Variants in RBMS3 observed in about 807,000 individuals in gnomAD.
RBMS3 encodes the protein RNA-binding motif, single-stranded-interacting protein 3.
In RBMS3, 27 loss-of-function variants were observed where a neutral mutation model predicts 66.8. That is an observed-to-expected ratio of 0.40 (90% confidence interval 0.30 to 0.56). The LOEUF (loss-of-function observed/expected upper bound fraction) is 0.56, where lower values mean the gene tolerates loss of function less well. RBMS3 is among the 20% of genes least tolerant of loss of function. The pLI is 0.40. For missense variants in RBMS3, 513 were observed against 549.5 expected, an observed-to-expected ratio of 0.93 and a Z score of 0.66; for synonymous variants, 188 against 183.0, an observed-to-expected ratio of 1.03 and a Z score of -0.22.
At chr3:29,439,439 T>G (rs1163407986) in intron 2 of RBMS3, among the ~76,000 whole-genome samples, 2 of 152,088 alleles carry the variant, frequency 1.3e-5, no homozygotes, top group Non-Finnish European at 2.9e-5. Flanking sequence ...TTAGTGGTGG[T>G]AGAAAAATTA....
At chr3:29,445,293 A>G (rs1014970262) in intron 2 of RBMS3, among the ~76,000 whole-genome samples, 1 of 152,052 alleles carries the variant, frequency 6.6e-6, no homozygotes, top group African/African-American at 2.4e-5. Flanking sequence ...CTGAATATGA[A>G]GCTCTTTTAT....
intron 10 of RBMS3, among the ~76,000 whole-genome samples, chr3:29,905,782 T>C (rs1037605252): frequency 6.6e-6 from 1 of 152,122 alleles, no homozygotes; most frequent in African/African-American, 2.4e-5. Context: ...TCTTATAATA[T>C]TTTAAGAAAG....
At chr3:29,676,110 T>C (rs920884724) in intron 4 of RBMS3, among the ~76,000 whole-genome samples, 5 of 152,078 alleles carry the variant, frequency 3.3e-5, no homozygotes, top group Non-Finnish European at 5.9e-5. Context: ...AAAGGATGAG[T>C]TCATGTCCTT....
At chr3:29,994,782 T>C (rs1403382088) in intron 14 of RBMS3, among the ~76,000 whole-genome samples, 2 of 152,032 alleles carry the variant, frequency 1.3e-5, no homozygotes, top group Non-Finnish European at 1.5e-5. Context: ...TACATCACCA[T>C]CATCAAAGAC....
intron 4 of RBMS3, among the ~76,000 whole-genome samples, chr3:29,655,368 G>A (rs1390210618): frequency 3.3e-5 from 5 of 152,164 alleles, no homozygotes; most frequent in African/African-American, 7.2e-5. Flanking sequence ...GCATAAAGTA[G>A]CAATGAGAAT....
At chr3:29,824,331 A>T (rs754685502) in intron 6 of RBMS3, among the ~76,000 whole-genome samples, 5 of 152,110 alleles carry the variant, frequency 3.3e-5, no homozygotes, top group Non-Finnish European at 5.9e-5. Flanking sequence ...AGTGGGCCTC[A>T]TCAGACACTG....
chr3:29,414,839 G>C (rs2040415108), intron 1 of RBMS3, among the ~76,000 whole-genome samples: 1 of 152,148 alleles, frequency 6.6e-6, no homozygotes, highest in African/African-American at 2.4e-5. Context: ...GCCACGTTTA[G>C]GGCACCGTGA....
intron 10 of RBMS3, chr3:29,927,317 T>C (rs1159784916): frequency 1.3e-5 from 2 of 152,220 alleles, no homozygotes; most frequent in East Asian, 3.9e-4. Flanking sequence ...ACCATTAAAG[T>C]CATCAGAGAC....
chr3:29,385,844 G>T (rs553753021), intron 1 of RBMS3, among the ~76,000 whole-genome samples: 63 of 152,120 alleles, frequency 4.1e-4, no homozygotes, highest in Non-Finnish European at 8.2e-4. Flanking sequence ...TGGGTCGTTT[G>T]TTCCTATTTT....
At chr3:29,541,295 A>T (rs200579444) in intron 3 of RBMS3, among the ~76,000 whole-genome samples, 1 of 117,256 alleles carries the variant, frequency 8.5e-6, no homozygotes, top group South Asian at 2.7e-4. Context: ...CAATAGGCCT[A>T]ACAAGCCAAA....
intron 3 of RBMS3, among the ~76,000 whole-genome samples, chr3:29,566,108 A>G (rs570685667): frequency 6.6e-6 from 1 of 152,336 alleles, no homozygotes; most frequent in African/African-American, 2.4e-5. Context: ...AATGGCTAGT[A>G]TGAGCCAGAA....
chr3:29,348,162 T>G (rs1313436889), intron 1 of RBMS3, among the ~76,000 whole-genome samples: 4 of 152,244 alleles, frequency 2.6e-5, no homozygotes, highest in Non-Finnish European at 5.9e-5. Context: ...TGAAATTTAC[T>G]AAGTGTAGGG....
intron 5 of RBMS3, among the ~76,000 whole-genome samples, chr3:29,747,652 G>C (rs555839047): frequency 6.6e-6 from 1 of 152,278 alleles, no homozygotes; most frequent in African/African-American, 2.4e-5. Context: ...GAAAAATTAG[G>C]CATGTGGATA....
intron 4 of RBMS3, among the ~76,000 whole-genome samples, chr3:29,681,378 G>A (rs1219731031): frequency 1.3e-5 from 2 of 151,914 alleles, no homozygotes; most frequent in Non-Finnish European, 2.9e-5. Context: ...GGGTACATGT[G>A]CAGCATGTGC....
chr3:29,698,031 C>T (rs1324747560), intron 4 of RBMS3, among the ~76,000 whole-genome samples: 1 of 152,190 alleles, frequency 6.6e-6, no homozygotes, highest in Non-Finnish European at 1.5e-5. Context: ...ACATATTCCA[C>T]GTGCACCTGT....
At chr3:29,810,889 A>G (rs984988171) in intron 6 of RBMS3, among the ~76,000 whole-genome samples, 8 of 152,210 alleles carry the variant, frequency 5.3e-5, no homozygotes, top group Non-Finnish European at 1.2e-4. Context: ...GCACCAAAGT[A>G]ATAACAAAGT....
At chr3:29,416,553 T>C (rs2125694066) in intron 1 of RBMS3, among the ~76,000 whole-genome samples, 1 of 152,302 alleles carries the variant, frequency 6.6e-6, no homozygotes, top group East Asian at 1.9e-4. Context: ...TTTTTTTTCC[T>C]TGCAGTGGTG....
At chr3:29,471,588 G>A (rs1051710688) in intron 2 of RBMS3, among the ~76,000 whole-genome samples, 2 of 152,046 alleles carry the variant, frequency 1.3e-5, no homozygotes, top group Non-Finnish European at 2.9e-5. Context: ...GTGTAGCCTT[G>A]AAGGGAACCT....
intron 6 of RBMS3, among the ~76,000 whole-genome samples, chr3:29,862,185 C>T (rs191528322): frequency 5.3e-5 from 8 of 152,248 alleles, no homozygotes; most frequent in Admixed American, 3.9e-4. Context: ...TCTTAACATA[C>T]ACAGAAATCA....
Sources: allele counts gnomAD v4.1 joint callset (sites outside exome capture counted in the v4.1 genomes callset), GRCh38; gene constraint gnomAD v4.1.1; transcripts MANE v1.5; gene names NCBI Gene and HGNC (gene_info 2026-07-23, HGNC 2026-07-21).